The following GPR158 variants were observed in gnomAD, a reference collection of about 807,000 sequenced individuals.
GPR158 encodes G protein-coupled receptor 158.
A neutral mutation model predicts 78.2 loss-of-function variants in GPR158; 30 were observed. That is an observed-to-expected ratio of 0.38 (90% CI 0.29 to 0.52). The LOEUF (loss-of-function observed/expected upper bound fraction) is 0.52. Among genes scored for constraint, GPR158 ranks in the 20% least tolerant of loss-of-function variants. The pLI is 0.83. For missense variants in GPR158, 1,463 were observed against 1,523.5 expected (o/e 0.96, Z 0.66); for synonymous variants, 581 against 591.1 (o/e 0.98, Z 0.25).
rs1837432942 is a variant in GPR158, at chr10:25,597,991, A to G, written c.2365A>G (p.Arg789Gly). The change falls in exon 11 of 11, where the codon AGG becomes GGG. Residue 789 changes from arginine to glycine, a missense_variant. Arg to Gly is a moderately radical substitution (Grantham distance 125). Coordinates refer to ENST00000376351, the MANE Select transcript of GPR158 (RefSeq NM_020752.3). ...HGTAKGTALIRKNPPESSGNT... is the reference protein window; with the variant it reads ...HGTAKGTALIGKNPPESSGNT... ...CACAGCCAAAGGCACTGCCCTCATC[A>G]GGAAGAACCCCCCAGAGTCTTCAGG... 1.2e-6 allele frequency: 2 copies of G among 1,614,148 alleles called. No homozygotes were observed. The highest frequency in any genetic ancestry group is 1.7e-6 in the Non-Finnish European group (2 of 1,180,014).
At chr10:25,202,305 G>A (rs951210095) in intron 1 of GPR158, among the ~76,000 whole-genome samples, 1 of 148,306 alleles carries the variant, frequency 6.7e-6, no homozygotes, top group African/African-American at 2.5e-5. Flanking sequence ...ACAACATGCA[G>A]GTTTGTTACA....
At chr10:25,413,822 T>A (rs1255586928) in intron 4 of GPR158, among the ~76,000 whole-genome samples, 1 of 152,196 alleles carries the variant, frequency 6.6e-6, no homozygotes, top group Non-Finnish European at 1.5e-5. Flanking sequence ...CCAGCACAAA[T>A]TAAAATCAAG....
intron 4 of GPR158, among the ~76,000 whole-genome samples, chr10:25,414,537 TGAAAA>T (rs1243523335): frequency 1.3e-5 from 2 of 152,146 alleles, no homozygotes; most frequent in Non-Finnish European, 2.9e-5. Flanking sequence ...TGTATGCTAA[TGAAAA>T]GAAATGTTCA....
chr10:25,542,710 G>C (rs1836603374), intron 5 of GPR158, among the ~76,000 whole-genome samples: 2 of 150,636 alleles, frequency 1.3e-5, no homozygotes, highest in African/African-American at 4.9e-5. Flanking sequence ...TATAATCCTG[G>C]CTACTTGGGA....
At chr10:25,511,585 C>T (rs942891699) in intron 5 of GPR158, among the ~76,000 whole-genome samples, 5 of 151,940 alleles carry the variant, frequency 3.3e-5, no homozygotes, top group South Asian at 2.1e-4. Context: ...CATTTGCTTT[C>T]GGGTTCTTGG....
intron 5 of GPR158, among the ~76,000 whole-genome samples, chr10:25,503,854 A>G (rs1835974934): frequency 6.6e-6 from 1 of 150,462 alleles, no homozygotes; most frequent in Non-Finnish European, 1.5e-5. Flanking sequence ...TTACTTATTT[A>G]TAGTGTCCCC....
At chr10:25,474,741 A>G (rs1432505672) in intron 5 of GPR158, among the ~76,000 whole-genome samples, 1 of 152,140 alleles carries the variant, frequency 6.6e-6, no homozygotes, top group Non-Finnish European at 1.5e-5. Flanking sequence ...AGCACAGTAA[A>G]TAGGCACGGA....
intron 2 of GPR158, among the ~76,000 whole-genome samples, chr10:25,365,562 C>G (rs1855708957): frequency 6.6e-6 from 1 of 151,578 alleles, no homozygotes; most frequent in Admixed American, 6.6e-5. Context: ...TTTTAATATC[C>G]AGAGGCTTCT....
At chr10:25,217,181 A>G (rs563144834) in intron 1 of GPR158, among the ~76,000 whole-genome samples, 189 of 152,296 alleles carry the variant, frequency 1.2e-3, no homozygotes, top group Non-Finnish European at 1.9e-3. Context: ...TTTGAATGCA[A>G]TGGTCTCTTT....
intron 2 of GPR158, among the ~76,000 whole-genome samples, chr10:25,264,117 A>G (rs971556464): frequency 2.6e-5 from 4 of 152,092 alleles, no homozygotes; most frequent in Non-Finnish European, 5.9e-5. Context: ...ACTGGTTTCC[A>G]AAGATTCCTT....
At chr10:25,539,384 G>A (rs896407971) in intron 5 of GPR158, among the ~76,000 whole-genome samples, 3 of 152,280 alleles carry the variant, frequency 2.0e-5, no homozygotes, top group Admixed American at 1.3e-4. Context: ...CTGGTTCAGA[G>A]AATGAGGCCT....
At chr10:25,262,442 A>G (rs1339889192) in intron 2 of GPR158, among the ~76,000 whole-genome samples, 2 of 152,198 alleles carry the variant, frequency 1.3e-5, no homozygotes, top group Non-Finnish European at 2.9e-5. Flanking sequence ...ATATGGATAA[A>G]GGAAACCCAG....
chr10:25,416,682 A>G (rs1287522226), intron 4 of GPR158, among the ~76,000 whole-genome samples: 1 of 152,194 alleles, frequency 6.6e-6, no homozygotes, highest in African/African-American at 2.4e-5. Context: ...GTTTTAATTT[A>G]GCAAGTTGAA....
rs148751649 is a variant in GPR158 at position 25,175,748 on chromosome 10, G to T, written c.328G>T (p.Gly110Trp). The T allele has an allele frequency of 7.9e-5, 127 of 1,611,452 alleles. No individual in the cohort carries two copies. The highest frequency in any genetic ancestry group is 6.5e-4 in the South Asian group (59 of 91,060). The change falls in exon 1 of 11, where the codon GGG (glycine) becomes TGG (tryptophan). Residue 110 changes from glycine to tryptophan, a missense_variant. By Grantham distance (184) the Gly-to-Trp change is radical. Transcript: ENST00000376351. The surrounding 1 kb of genome is among the most constrained non-coding windows in gnomAD (Gnocchi z 6.4). ...CCGCTACGAGTTGGCGGGCCTGCCG[G>T]GGAAGTGGCCAGCCCTGGCCAGCGC... is the stretch of plus-strand genomic sequence containing the variant. Reference protein sequence around the residue: ...SGRYELAGLPGKWPALASAHP... With the variant: ...SGRYELAGLPWKWPALASAHP...
At chr10:25,517,321 G>A (rs1469197802) in intron 5 of GPR158, among the ~76,000 whole-genome samples, 1 of 151,760 alleles carries the variant, frequency 6.6e-6, no homozygotes, top group Non-Finnish European at 1.5e-5. Flanking sequence ...CTGCAAACAG[G>A]GACAATTTGA....
chr10:25,315,852 T>G (rs1405919487), intron 2 of GPR158, among the ~76,000 whole-genome samples: 1 of 152,152 alleles, frequency 6.6e-6, no homozygotes, highest in African/African-American at 2.4e-5. Flanking sequence ...TGTCACCCTT[T>G]GCCATCTCAT....
chr10:25,584,775 A>C (rs1360271515), intron 7 of GPR158, among the ~76,000 whole-genome samples: 2 of 152,232 alleles, frequency 1.3e-5, no homozygotes. Context: ...TCTTTAGATC[A>C]CTTATAAGCC....
chr10:25,508,509 G>A (rs1032815800), intron 5 of GPR158, among the ~76,000 whole-genome samples: 3 of 152,180 alleles, frequency 2.0e-5, no homozygotes, highest in Non-Finnish European at 4.4e-5. Flanking sequence ...AACAAAAGGT[G>A]AACTAGAGGG....
chr10:25,437,462 G>C (rs1835011716), intron 4 of GPR158, among the ~76,000 whole-genome samples: 1 of 152,186 alleles, frequency 6.6e-6, no homozygotes, highest in Non-Finnish European at 1.5e-5. Context: ...CTGGGCTCAA[G>C]CATTCTACCC....
Sources: allele counts gnomAD v4.1 joint callset (sites outside exome capture counted in the v4.1 genomes callset), GRCh38; gene constraint gnomAD v4.1.1; non-coding constraint Gnocchi (gnomAD v3.1); transcripts MANE v1.5; gene names NCBI Gene and HGNC (gene_info 2026-07-23, HGNC 2026-07-21).